The following PRORP variants were observed in gnomAD, a reference collection of about 807,000 sequenced individuals.
PRORP encodes the protein protein only RNase P catalytic subunit, also known as mitochondrial ribonuclease P catalytic subunit.
PRORP carries 51 observed loss-of-function variants against 59.4 expected under a neutral mutation model. The observed-to-expected ratio is 0.86, with a 90% CI of 0.69 to 1.08. PRORP has a LOEUF of 1.08. PRORP is among the 50% of genes least tolerant of loss of function. The pLI is 0.00. For missense variants in PRORP, 646 were observed against 690.3 expected (o/e 0.94, Z 0.72); for synonymous variants, 231 against 245.6 (o/e 0.94, Z 0.55).
chr14:35,123,158 C>A lies in PRORP; in HGVS notation c.-88C>A. ...TAAAAAGTTCCACTTCGACTCTGCA[C>A]CGCCGACCCCCAATCTCTTTAATTT... On this transcript the variant is annotated 5_prime_UTR_variant, in exon 2 of 8. Transcript: ENST00000534898. 7.3e-7 allele frequency: 1 copy of A among 1,374,290 alleles called. No homozygotes were observed. Among genetic ancestry groups the A allele is most frequent in the Non-Finnish European group, 9.9e-7 (1 of 1,012,828 alleles). 85.1% of individuals were successfully genotyped at this position (1,374,290 alleles called of 1,614,324 possible).
chr14:35,175,591 T>G (rs2048427755), intron 4 of PRORP, among the ~76,000 whole-genome samples: 1 of 151,228 alleles, frequency 6.6e-6, no homozygotes, highest in African/African-American at 2.4e-5. Flanking sequence ...GATGGGGTTG[T>G]TTTTTTTCTT....
intron 4 of PRORP, chr14:35,158,923 G>A (rs540422822): frequency 3.0e-4 from 97 of 321,706 alleles, no homozygotes; most frequent in Middle Eastern, 1.1e-3. Flanking sequence ...TCCCACCACC[G>A]TAAGTGTGAA....
chr14:35,192,981 G>GAA (rs57452893), intron 5 of PRORP, among the ~76,000 whole-genome samples: 1 of 139,914 alleles, frequency 7.1e-6, no homozygotes. Flanking sequence ...TGACAGAGTA[G>GAA]AAAAAAAAAA....
At chr14:35,189,430 CT>C (rs35474589) in intron 5 of PRORP, among the ~76,000 whole-genome samples, 9,600 of 133,676 alleles carry the variant, frequency 0.072, 453 homozygotes, top group Admixed American at 0.19. Context: ...AAATTCTGAG[CT>C]TTTTTTTTTT....
chr14:35,190,151 C>G (rs2048847195), intron 5 of PRORP, among the ~76,000 whole-genome samples: 1 of 151,376 alleles, frequency 6.6e-6, no homozygotes. Flanking sequence ...GTAATCCCAG[C>G]ACTTTGGGAG....
At chr14:35,210,056 G>C (rs934975171) in intron 5 of PRORP, among the ~76,000 whole-genome samples, 2 of 152,136 alleles carry the variant, frequency 1.3e-5, no homozygotes, top group Non-Finnish European at 1.5e-5. Flanking sequence ...AATCAGCACA[G>C]AATTGTAAAA....
At chr14:35,135,949 C>G (rs1190223160) in intron 4 of PRORP, among the ~76,000 whole-genome samples, 1 of 143,680 alleles carries the variant, frequency 7.0e-6, no homozygotes, top group African/African-American at 2.6e-5. Context: ...CAGAGCAAGA[C>G]TCTGTCTCAA....
At chr14:35,255,022 C>G (rs1027291259) in intron 5 of PRORP, among the ~76,000 whole-genome samples, 1 of 152,152 alleles carries the variant, frequency 6.6e-6, no homozygotes, top group Non-Finnish European at 1.5e-5. Context: ...CCTCCTCACC[C>G]ACAGTCTGAT....
intron 5 of PRORP, among the ~76,000 whole-genome samples, chr14:35,265,907 G>A (rs947176759): frequency 6.6e-6 from 1 of 151,922 alleles, no homozygotes; most frequent in Admixed American, 6.6e-5. Flanking sequence ...TGGGTGCAGT[G>A]GCTCACACCT....
chr14:35,140,925 CAT>C (rs2047466771), intron 4 of PRORP, among the ~76,000 whole-genome samples: 1 of 146,016 alleles, frequency 6.8e-6, no homozygotes, highest in East Asian at 2.3e-4. Context: ...AATAATGTAA[CAT>C]ATAAAAATTA....
chr14:35,253,852 C>T (rs2050679912), intron 5 of PRORP, among the ~76,000 whole-genome samples: 1 of 151,686 alleles, frequency 6.6e-6, no homozygotes, highest in South Asian at 2.1e-4. Flanking sequence ...TTCTTAGTAC[C>T]CCATCCTTCA....
In PRORP at chr14:35,145,222, C is replaced by A. The variant is rs192761894; in HGVS notation, c.1167+17611C>A. ...TCCTGGGCTCAAGTAATCCTCCAAC[C>A]TTGGCCTCCCAAAGGGCTGGGATTA... On this transcript the variant is annotated intron_variant, in intron 4 of 7. Coordinates refer to ENST00000534898, the MANE Select transcript of PRORP (RefSeq NM_014672.4). Among the ~76,000 whole-genome samples, 335 of 144,802 alleles carry A rather than the reference C, an allele frequency of 2.3e-3. 40 individuals are homozygous for A. The highest frequency in any genetic ancestry group is 8.9e-4 in the Non-Finnish European group (58 of 65,266). 95.0% of individuals were successfully genotyped at this position (144,802 alleles called of 152,430 possible). A position where few individuals can be genotyped will look rare whatever the true frequency, so the allele number is the denominator to read the frequency against.
intron 5 of PRORP, among the ~76,000 whole-genome samples, chr14:35,194,051 A>G (rs1235912944): frequency 6.6e-6 from 1 of 152,108 alleles, no homozygotes; most frequent in Non-Finnish European, 1.5e-5. Context: ...GCATGGATTG[A>G]AAGTGGAGGG....
chr14:35,244,508 G>A (rs1269665850), intron 5 of PRORP, among the ~76,000 whole-genome samples: 2 of 151,026 alleles, frequency 1.3e-5, no homozygotes, highest in Admixed American at 6.6e-5. Flanking sequence ...TTGCCTCAAA[G>A]GCACAAAGTA....
intron 5 of PRORP, among the ~76,000 whole-genome samples, chr14:35,204,532 A>AT (rs1422501487): frequency 1.3e-5 from 2 of 152,178 alleles, no homozygotes; most frequent in African/African-American, 4.8e-5. Flanking sequence ...TTCATCAAAT[A>AT]TTTTTTGAGG....
At chr14:35,232,470 T>C (rs1301831766) in intron 5 of PRORP, among the ~76,000 whole-genome samples, 1 of 152,210 alleles carries the variant, frequency 6.6e-6, no homozygotes, top group Non-Finnish European at 1.5e-5. Context: ...CCTCAACCCA[T>C]GTAGAAGTTT....
chr14:35,162,564 C>T (rs532889120), intron 4 of PRORP, among the ~76,000 whole-genome samples: 1 of 151,642 alleles, frequency 6.6e-6, no homozygotes, highest in Non-Finnish European at 1.5e-5. Flanking sequence ...ATTTTAGGAG[C>T]TCTTTATTTG....
At chr14:35,211,962 T>TG (rs2049458719) in intron 5 of PRORP, among the ~76,000 whole-genome samples, 1 of 152,240 alleles carries the variant, frequency 6.6e-6, no homozygotes, top group South Asian at 2.1e-4. Flanking sequence ...CCCTTTCACT[T>TG]GCTGTATCAA....
At chr14:35,202,876 C>G (rs1022017057) in intron 5 of PRORP, among the ~76,000 whole-genome samples, 1 of 152,118 alleles carries the variant, frequency 6.6e-6, no homozygotes, top group Non-Finnish European at 1.5e-5. Context: ...TCAAGCAATC[C>G]CCTCACCTTA....
Sources: gnomAD v4.1 joint callset for allele counts (sites outside exome capture counted in the v4.1 genomes callset) on GRCh38, gnomAD v4.1.1 for gene constraint, MANE v1.5 for transcripts, NCBI Gene and HGNC (gene_info 2026-07-23, HGNC 2026-07-21) for gene names.